RUBCN: variants seen among roughly 807,000 people sequenced by gnomAD.
RUBCN encodes the protein rubicon autophagy regulator.
Under a neutral mutation model 113.2 loss-of-function variants are expected in RUBCN, and 74 were observed. That is an observed-to-expected ratio of 0.65 (90% CI 0.54 to 0.79). The LOEUF is 0.79. Ranked by LOEUF, RUBCN falls within the 30% of genes least tolerant of loss-of-function variation. RUBCN has a pLI of 0.00. For missense variants in RUBCN, 1,109 were observed against 1,251.7 expected (o/e 0.89, Z 1.72); for synonymous variants, 480 against 490.0 (o/e 0.98, Z 0.27).
Position 197,700,940 on chromosome 3 carries a change from T to A in RUBCN, c.934A>T (p.Asn312Tyr). Reference protein sequence around the residue: ...PIEASWVSSQNDSPGDASEGP... With the variant: ...PIEASWVSSQYDSPGDASEGP... ...TCACTGGCATCACCTGGGGAATCAT[T>A]CTGGCTGCTGACCCAGGATGCCTCT... Residue 312 changes from asparagine (N) to tyrosine (Y), a missense_variant, in exon 7 of 20, where the codon AAT becomes TAT. Physicochemically the swap from Asn to Tyr is moderately radical, Grantham distance 143. Around this residue, in one of 3 missense-constraint regions of RUBCN, gnomAD observed 736 missense variants for 779.6 expected, o/e 0.94. Transcript: ENST00000296343. 6.2e-7 allele frequency: 1 copy of A among 1,614,200 alleles called. No homozygotes were observed. Among genetic ancestry groups the A allele is most frequent in the South Asian group, 1.1e-5 (1 of 91,080 alleles).
intron 16 of RUBCN, among the ~76,000 whole-genome samples, chr3:197,680,084 C>G (rs1250490369): frequency 6.7e-6 from 1 of 149,238 alleles, no homozygotes; most frequent in South Asian, 2.2e-4. Context: ...TAACTGACAA[C>G]TGGCTTCAGA....
rs1228326607 is a variant in RUBCN at position 197,670,373 on chromosome 3, G to A, written c.*4645C>T. ...GCATCTATAGATGTTTGGGATTGAC[G>A]GATGATTGAATGAATAAATAAATGC... On this transcript the variant is annotated 3_prime_UTR_variant, in exon 20 of 20. Coordinates refer to ENST00000296343, the MANE Select transcript of RUBCN (RefSeq NM_014687.4). Among the ~76,000 whole-genome samples, 2 of 152,192 alleles carry A rather than the reference G, an allele frequency of 1.3e-5. No homozygotes were observed. The highest frequency in any genetic ancestry group is 1.9e-4 in the East Asian group (1 of 5,206).
rs367684800 is a variant in RUBCN at position 197,669,365 on chromosome 3, G to A, written c.*5653C>T. On this transcript the variant is annotated 3_prime_UTR_variant, in exon 20 of 20. Transcript: ENST00000296343. The stretch of plus-strand genomic sequence containing the variant: ...TGCTTAGTCTCCTCTCGTCCGTGAC[G>A]GCATCTCTTTCCTTGTTTTCGAGAC... Among the ~76,000 whole-genome samples, 9 of 152,124 alleles carry A rather than the reference G, an allele frequency of 5.9e-5. No individual in the cohort carries two copies. Among genetic ancestry groups the A allele is most frequent in the East Asian group, 5.8e-4 (3 of 5,198 alleles).
rs1728166584 is a variant in RUBCN, at chr3:197,736,660, C to T, written c.60G>A (p.Glu20=). ...LGGGEERLPE[E]SRREHWQLLG... ...CGCGGCGGCTCCCAGCCCACCTGCT[C>T]TCCTCAGGCAGGCGCTCCTCGCCGC... The change falls in exon 1 of 20, where the codon GAG becomes GAA. Residue 20 remains glutamate, a synonymous_variant. Coordinates refer to ENST00000296343, the MANE Select transcript of RUBCN (RefSeq NM_014687.4). The T allele has an allele frequency of 6.5e-7, 1 of 1,532,840 alleles. No homozygotes were observed. Among genetic ancestry groups the T allele is most frequent in the East Asian group, 2.4e-5 (1 of 40,868 alleles). The allele number at this position is 1,532,840 out of a possible 1,614,324, so 95.0% of individuals were successfully genotyped here.
chr3:197,677,394 G>T, intron 17 of RUBCN, 86 bp downstream of exon 17: 1 of 1,149,852 alleles, frequency 8.7e-7, no homozygotes, highest in Non-Finnish European at 1.3e-6. Flanking sequence ...ACTCTCCTTC[G>T]TTACATAACA....
At chr3:197,696,905 G>T (rs1280952503) in intron 8 of RUBCN, 49 bp downstream of exon 8, 1 of 995,372 alleles carries the variant, frequency 1.0e-6, no homozygotes, top group Non-Finnish European at 1.6e-6. Context: ...GGCACAAGGG[G>T]TGAGCAGAGA....
intron 11 of RUBCN, among the ~76,000 whole-genome samples, chr3:197,686,340 T>TA (rs1428326498): frequency 6.6e-6 from 1 of 151,576 alleles, no homozygotes; most frequent in Non-Finnish European, 1.5e-5. Flanking sequence ...TTACTAGAGG[T>TA]AAAGTGAGGT....
At chr3:197,732,117 G>A (rs908706933) in intron 1 of RUBCN, among the ~76,000 whole-genome samples, 6 of 151,986 alleles carry the variant, frequency 3.9e-5, no homozygotes, top group African/African-American at 9.7e-5. Flanking sequence ...ATGCTAAAAC[G>A]GATCTTACTC....
intron 11 of RUBCN, among the ~76,000 whole-genome samples, chr3:197,688,054 T>G (rs1411698418): frequency 1.3e-5 from 2 of 152,132 alleles, no homozygotes; most frequent in Non-Finnish European, 2.9e-5. Context: ...GAGGTGAAGT[T>G]TCACTCTTGT....
intron 2 of RUBCN, 91 bp from the exon 3 acceptor site, chr3:197,705,266 A>G: frequency 8.9e-7 from 1 of 1,128,858 alleles, no homozygotes; most frequent in South Asian, 1.3e-5. Context: ...GAAAAGGACC[A>G]CAACCTTCCC....
At chr3:197,680,675 C>A (rs1223350855) in intron 16 of RUBCN, among the ~76,000 whole-genome samples, 1 of 152,196 alleles carries the variant, frequency 6.6e-6, no homozygotes, top group African/African-American at 2.4e-5. Context: ...GGTCTGTCTG[C>A]CCGAGTCACA....
chr3:197,717,649 C>T (rs941516920), intron 2 of RUBCN, among the ~76,000 whole-genome samples: 4 of 151,962 alleles, frequency 2.6e-5, no homozygotes, highest in Non-Finnish European at 4.4e-5. Context: ...TTTTGGACTT[C>T]GATCTCAAGA....
At chr3:197,710,369 G>A (rs2108935169) in intron 2 of RUBCN, among the ~76,000 whole-genome samples, 1 of 152,286 alleles carries the variant, frequency 6.6e-6, no homozygotes, top group South Asian at 2.1e-4. Flanking sequence ...GGGAGGCTGA[G>A]GCGGGTGGAT....
rs1721296476 is a variant in RUBCN at position 197,681,957 on chromosome 3, T to G, written c.2127-58A>C. 1 of 1,293,734 alleles carries G rather than the reference T, an allele frequency of 7.7e-7. No homozygotes were observed. Among genetic ancestry groups the G allele is most frequent in the South Asian group, 1.2e-5 (1 of 84,556 alleles). 80.1% of individuals were successfully genotyped at this position (1,293,734 alleles called of 1,614,324 possible). A position where few individuals can be genotyped will look rare whatever the true frequency, so the allele number is the denominator to read the frequency against. ...GAGCAGCTGCGTGAGACCTTGGAGG[T>G]GTGAAGGAGTGAGCACACATACATA... On this transcript the variant is annotated intron_variant, in intron 14 of 19. Coordinates refer to ENST00000296343, the MANE Select transcript of RUBCN (RefSeq NM_014687.4). This position sits in a 1 kb window ranked among gnomAD's most constrained non-coding sequence, Gnocchi z 5.5.
At chr3:197,710,487 C>G (rs1724836600) in intron 2 of RUBCN, among the ~76,000 whole-genome samples, 1 of 151,640 alleles carries the variant, frequency 6.6e-6, no homozygotes. Flanking sequence ...GTAATCCCAG[C>G]TATTTGGGAG....
Position 197,668,931 on chromosome 3 carries a change from G to C in RUBCN, c.*6087C>G, listed in dbSNP as rs1719563188. On this transcript the variant is annotated 3_prime_UTR_variant, in exon 20 of 20. Coordinates refer to ENST00000296343, the MANE Select transcript of RUBCN (RefSeq NM_014687.4). Reference sequence around the variant, plus strand: ...CAGCTAATTCAGTAAGCAGATAAGAGGAAAAAATACTCCACAATGCCACCA... The same window carrying C: ...CAGCTAATTCAGTAAGCAGATAAGACGAAAAAATACTCCACAATGCCACCA... 6.6e-6 allele frequency among the ~76,000 whole-genome samples: 1 copy of C among 152,070 alleles called. No individual in the cohort carries two copies. Among genetic ancestry groups the C allele is most frequent in the Non-Finnish European group, 1.5e-5 (1 of 68,008 alleles).
At chr3:197,737,091 C>A (rs911610967), upstream of RUBCN, 2 of 377,120 alleles carry the variant, frequency 5.3e-6, no homozygotes, top group Non-Finnish European at 8.3e-6. Context: ...CAATCCCAGG[C>A]CGCGCTCGTG....
At chr3:197,730,570 T>A (rs1727300913) in intron 1 of RUBCN, among the ~76,000 whole-genome samples, 1 of 144,278 alleles carries the variant, frequency 6.9e-6, no homozygotes, top group Non-Finnish European at 1.5e-5. Flanking sequence ...CACCCTAGAT[T>A]TTTTTTTTTT....
chr3:197,674,912 A>G lies in RUBCN; in HGVS notation c.*106T>C. 36 of 915,498 alleles carry G rather than the reference A, an allele frequency of 3.9e-5. No individual in the cohort carries two copies. The highest frequency in any genetic ancestry group is 6.4e-5 in the Admixed American group (2 of 31,446). The allele number at this position is 915,498 out of a possible 1,614,324, so 56.7% of individuals were successfully genotyped here. ...AAAAAAAAAGATGATGATAATTAAAAAAAAAAAAAAAAAAAGAAGCCCCAG... is the reference window on the plus strand; with the variant it reads ...AAAAAAAAAGATGATGATAATTAAAGAAAAAAAAAAAAAAAGAAGCCCCAG... On this transcript the variant is annotated 3_prime_UTR_variant, in exon 20 of 20. Transcript: ENST00000296343.
Sources: allele counts gnomAD v4.1 joint callset (sites outside exome capture counted in the v4.1 genomes callset), GRCh38; gene constraint gnomAD v4.1.1; regional missense constraint gnomAD v4.1.1; non-coding constraint Gnocchi (gnomAD v3.1); transcripts MANE v1.5; gene names NCBI Gene and HGNC (gene_info 2026-07-23, HGNC 2026-07-21).